Variants in TPX2 observed in about 807,000 individuals in gnomAD.
TPX2 encodes the protein targeting protein for Xklp2.
Under a neutral mutation model 93.6 loss-of-function variants are expected in TPX2, and 21 were observed. The observed-to-expected ratio is 0.22, with a 90% confidence interval of 0.16 to 0.32. TPX2 has a LOEUF of 0.32. Among genes scored for constraint, TPX2 ranks in the 10% least tolerant of loss-of-function variants. The pLI is 1.00. For synonymous variants in TPX2, 281 were observed against 298.3 expected (o/e 0.94, Z 0.60); for missense variants, 776 against 871.1 (o/e 0.89, Z 1.37).
chr20:31,790,346 A>G (rs2062092839), intron 12 of TPX2, among the ~76,000 whole-genome samples: 1 of 152,222 alleles, frequency 6.6e-6, no homozygotes, highest in Non-Finnish European at 1.5e-5. Context: ...TGCAAAAAGC[A>G]TTTTGGAAAA....
At chr20:31,757,706 A>G (rs1253079385) in intron 3 of TPX2, 124 bp downstream of exon 3, 28 of 683,198 alleles carry the variant, frequency 4.1e-5, no homozygotes, top group Non-Finnish European at 4.9e-6. Context: ...GCACCAAGAC[A>G]TTCTGTCATC....
Position 31,794,443 on chromosome 20 carries a change from C to A in TPX2, c.1728C>A (p.Thr576=), listed in dbSNP as rs780153731. Residue 576 remains threonine, a synonymous_variant, in exon 15 of 18, where the codon ACC becomes ACA. Coordinates refer to ENST00000300403, the MANE Select transcript of TPX2 (RefSeq NM_012112.5). ...FKALPLPHFD[T]INLPEKKVKN... is the part of the protein sequence containing the mutation. ...CACTTCCCTTGCCTCATTTTGACACCATTAACCTGCCAGAGAAGAAGGTAA... is the reference window on the plus strand; with the variant it reads ...CACTTCCCTTGCCTCATTTTGACACAATTAACCTGCCAGAGAAGAAGGTAA... 5 of 1,613,976 alleles carry A rather than the reference C, an allele frequency of 3.1e-6. No individual in the cohort carries two copies. Among genetic ancestry groups the A allele is most frequent in the African/African-American group, 2.7e-5 (2 of 74,894 alleles).
At chr20:31,756,944 T>C (rs1435629224) in intron 2 of TPX2, among the ~76,000 whole-genome samples, 1 of 152,106 alleles carries the variant, frequency 6.6e-6, no homozygotes, top group Non-Finnish European at 1.5e-5. Context: ...TATTTTTAAT[T>C]TCAATTTTTT....
chr20:31,770,884 T>C (rs537028186), intron 6 of TPX2, among the ~76,000 whole-genome samples: 46 of 151,340 alleles, frequency 3.0e-4, no homozygotes, highest in African/African-American at 1.1e-3. Flanking sequence ...TTTGGTTCAG[T>C]GGCTGATTTT....
At chr20:31,745,217 T>C (rs2061776264) in intron 2 of TPX2, among the ~76,000 whole-genome samples, 1 of 152,156 alleles carries the variant, frequency 6.6e-6, no homozygotes, top group South Asian at 2.1e-4. Context: ...TAACTTAAAA[T>C]AGGTAATATA....
chr20:31,778,164 A>G (rs1029876391), intron 9 of TPX2, among the ~76,000 whole-genome samples: 2 of 152,200 alleles, frequency 1.3e-5, no homozygotes, highest in African/African-American at 4.8e-5. Context: ...CAAAATCAGT[A>G]ATAATCGTTA....
rs13037259 is a variant in TPX2, at chr20:31,743,395, A to G, written c.-71+748A>G. Among the ~76,000 whole-genome samples, 1,224 of 152,268 alleles carry G rather than the reference A, an allele frequency of 8.0e-3. 13 individuals carry two copies. Among genetic ancestry groups the G allele is most frequent in the East Asian group, 0.036 (187 of 5,178 alleles). ...TTGTTTAGGGAATAATGACAAGAAAAAAAGTCTAGGCTGGGTACAGTGGCT... is the reference window on the plus strand; with the variant it reads ...TTGTTTAGGGAATAATGACAAGAAAGAAAGTCTAGGCTGGGTACAGTGGCT... On this transcript the variant is annotated intron_variant, in intron 2 of 17. Transcript: ENST00000300403.
chr20:31,797,531 C>T lies in TPX2; in HGVS notation c.1945+16C>T, dbSNP rs1025914680. On this transcript the variant is annotated intron_variant, in intron 16 of 17. Transcript: ENST00000300403. ...TCAGTTGCTGGTAGTATTATATGTA[C>T]TCTGATGGGACTCGGGCAGAATTGT... 1.0e-5 allele frequency: 16 copies of T among 1,607,364 alleles called. No homozygotes were observed. Among genetic ancestry groups the T allele is most frequent in the Non-Finnish European group, 1.3e-5 (15 of 1,174,574 alleles).
chr20:31,797,892 A>C (rs2062147665), intron 16 of TPX2, among the ~76,000 whole-genome samples: 1 of 152,126 alleles, frequency 6.6e-6, no homozygotes, highest in African/African-American at 2.4e-5. Flanking sequence ...AACACTGGGC[A>C]GTGTGCTAGA....
chr20:31,770,772 T>C (rs1474233149), intron 6 of TPX2, among the ~76,000 whole-genome samples: 1 of 152,220 alleles, frequency 6.6e-6, no homozygotes, highest in Non-Finnish European at 1.5e-5. Flanking sequence ...TTTTTATTAG[T>C]TAAGAATGTA....
chr20:31,739,828 C>A lies in TPX2; in HGVS notation c.-178+207C>A, dbSNP rs988822967. 2.6e-5 allele frequency among the ~76,000 whole-genome samples: 4 copies of A among 152,266 alleles called. No individual in the cohort carries two copies. In the East Asian group the frequency reaches 7.7e-4, roughly 29 times the overall value. ...GATAAATTTCGAGAAATGGGTGATA[C>A]AGTAGCCATGCCCTCAGGAAGTGTG... On this transcript the variant is annotated intron_variant, in intron 1 of 17. Transcript: ENST00000300403.
At chr20:31,766,474 T>C (rs1174809927) in intron 4 of TPX2, 82 bp from the exon 5 acceptor site, 1 of 1,242,874 alleles carries the variant, frequency 8.0e-7, no homozygotes. Context: ...TGTGTGTGTG[T>C]GTGTGTGTGT....
chr20:31,777,708 G>A, intron 9 of TPX2, 70 bp downstream of exon 9: 1 of 1,528,734 alleles, frequency 6.5e-7, no homozygotes, highest in East Asian at 2.3e-5. Flanking sequence ...TAGCATTTGT[G>A]GTCACTGTTT....
At chr20:31,746,883 A>G (rs1045907144) in intron 2 of TPX2, among the ~76,000 whole-genome samples, 2 of 152,174 alleles carry the variant, frequency 1.3e-5, no homozygotes, top group Non-Finnish European at 2.9e-5. Context: ...CCTTCCATTT[A>G]TCTCTTACCC....
intron 1 of TPX2, among the ~76,000 whole-genome samples, chr20:31,740,705 TA>T (rs1465959648): frequency 6.6e-6 from 1 of 152,220 alleles, no homozygotes; most frequent in Non-Finnish European, 1.5e-5. Flanking sequence ...CTGGGTGCTC[TA>T]CTGTTTTGTA....
intron 4 of TPX2, among the ~76,000 whole-genome samples, chr20:31,760,948 AGAGG>A (rs1271963156): frequency 6.6e-6 from 1 of 152,200 alleles, no homozygotes; most frequent in African/African-American, 2.4e-5. Context: ...GCATTCTTTA[AGAGG>A]TCATAAAATC....
At chr20:31,786,308 A>T in intron 12 of TPX2, among the ~76,000 whole-genome samples, 1 of 151,072 alleles carries the variant, frequency 6.6e-6, no homozygotes. Flanking sequence ...GAAGGTTCTT[A>T]GGAAGTATGT....
At chr20:31,795,466 T>TC (rs1254636801) in intron 15 of TPX2, among the ~76,000 whole-genome samples, 40 of 152,250 alleles carry the variant, frequency 2.6e-4, no homozygotes, top group Non-Finnish European at 4.0e-4. Context: ...CATTCTTAGC[T>TC]CAAGCGCTGT....
intron 5 of TPX2, among the ~76,000 whole-genome samples, chr20:31,768,268 G>A (rs1445035969): frequency 4.1e-5 from 6 of 147,600 alleles, no homozygotes; most frequent in East Asian, 2.0e-4. Context: ...GACGAGTCTC[G>A]CTCTGTCGCC....
Sources: gnomAD v4.1 joint callset for allele counts (sites outside exome capture counted in the v4.1 genomes callset) on GRCh38, gnomAD v4.1.1 for gene constraint, MANE v1.5 for transcripts, NCBI Gene and HGNC (gene_info 2026-07-23, HGNC 2026-07-21) for gene names.